Variants in HS1BP3 observed in about 807,000 individuals in gnomAD.
HS1BP3 encodes HCLS1 binding protein 3.
A neutral mutation model predicts 33.5 loss-of-function variants in HS1BP3; 32 were observed. The observed-to-expected ratio is 0.95, with a 90% CI of 0.72 to 1.28. HS1BP3 has a LOEUF of 1.28. Ranked by LOEUF, HS1BP3 falls within the 50% of genes most tolerant of loss-of-function variation. HS1BP3 has a pLI of 0.00. For synonymous variants in HS1BP3, 187 were observed against 209.2 expected (o/e 0.89, Z 0.92); for missense variants, 486 against 502.3 (o/e 0.97, Z 0.31).
intron 4 of HS1BP3, among the ~76,000 whole-genome samples, chr2:20,629,379 C>T (rs1400789875): frequency 1.3e-5 from 2 of 152,178 alleles, no homozygotes; most frequent in Non-Finnish European, 2.9e-5. Flanking sequence ...CTCTGCAGTG[C>T]CCGCCCTCCA....
intron 1 of HS1BP3, among the ~76,000 whole-genome samples, chr2:20,645,931 C>T (rs1695505728): frequency 6.6e-6 from 1 of 152,186 alleles, no homozygotes; most frequent in Admixed American, 6.5e-5. Context: ...GGCTAATGGG[C>T]AGGAGGGCTG....
intron 5 of HS1BP3, among the ~76,000 whole-genome samples, chr2:20,581,022 C>T (rs1176619236): frequency 6.6e-6 from 1 of 152,240 alleles, no homozygotes; most frequent in Non-Finnish European, 1.5e-5. Flanking sequence ...GCACTCCAGG[C>T]AACATCCTTC....
chr2:20,578,174 T>G (rs1693446304), intron 5 of HS1BP3, among the ~76,000 whole-genome samples: 1 of 152,026 alleles, frequency 6.6e-6, no homozygotes, highest in Admixed American at 6.5e-5. Context: ...GAATCAGGGC[T>G]CGGGAGAGTG....
rs567974133 is a variant in HS1BP3, at chr2:20,593,682, C to T, written c.*13-888G>A. On this transcript the variant is annotated intron_variant, in intron 3 of 3. Coordinates refer to the HS1BP3 transcript ENST00000415264. ...TCACCAGAGGCCCTTGACCCTTCCT[C>T]CCACAACCTTCCCCCACTGCGCCCG... 2.7e-4 allele frequency among the ~76,000 whole-genome samples: 41 copies of T among 152,244 alleles called. No individual in the cohort carries two copies. In the South Asian group the frequency reaches 8.5e-3, roughly 32 times the overall value.
At chr2:20,577,527 C>T (rs1019804450) in intron 5 of HS1BP3, among the ~76,000 whole-genome samples, 2 of 152,200 alleles carry the variant, frequency 1.3e-5, no homozygotes, top group African/African-American at 4.8e-5. Context: ...GACATGTTAG[C>T]GGCTTGGAGG....
At chr2:20,572,562 C>T (rs1391332989) in intron 5 of HS1BP3, among the ~76,000 whole-genome samples, 3 of 147,158 alleles carry the variant, frequency 2.0e-5, no homozygotes, top group African/African-American at 7.5e-5. Flanking sequence ...AGATCTCGGT[C>T]AGGTTATGAA....
chr2:20,632,257 G>A (rs941330110), intron 4 of HS1BP3, among the ~76,000 whole-genome samples: 10 of 152,206 alleles, frequency 6.6e-5, no homozygotes, highest in African/African-American at 2.2e-4. Flanking sequence ...CTCCCTGGTC[G>A]CAGTAAGCTC....
chr2:20,599,417 C>T (rs1694019854), intron 2 of HS1BP3, among the ~76,000 whole-genome samples: 1 of 152,210 alleles, frequency 6.6e-6, no homozygotes, highest in Non-Finnish European at 1.5e-5. Context: ...TGTGTCACCC[C>T]AATTGTCCAG....
At chr2:20,624,982 G>A in intron 4 of HS1BP3, 90 bp from the exon 5 acceptor site, 3 of 1,459,954 alleles carry the variant, frequency 2.1e-6, no homozygotes, top group Non-Finnish European at 2.9e-6. Flanking sequence ...GGGCCCTGCA[G>A]TGGAGGGGCT....
rs140634250 is a variant in HS1BP3, at chr2:20,645,453, C to T, written c.85G>A (p.Glu29Lys). 6.3e-5 allele frequency: 101 copies of T among 1,613,972 alleles called. No homozygotes were observed. Among genetic ancestry groups the T allele is most frequent in the Non-Finnish European group, 8.4e-5 (99 of 1,180,010 alleles). The change falls in exon 2 of 7, where the codon GAG (glutamate) becomes AAG (lysine). Residue 29 changes from glutamate to lysine, a missense_variant. Transcript: ENST00000304031. The stretch of plus-strand genomic sequence containing the variant: ...CCAGACATCATCTTGCCCCGTACCT[C>T]CTGGTGCTGGGGCACAGTCAGGTCG... ...GLDLTVPQHQ[E>K]VRGKMMSGHV...
At position 20,618,790 on chromosome 2, in the gene HS1BP3, C is replaced by T. The variant is rs199952244; in HGVS notation, c.*197G>A. Reference sequence around the variant, plus strand: ...TGGCTCCTAGGGTGAGAGCCGCTCCCGCAGCCCGCAGGCTTCTACTTTGGC... The same window carrying T: ...TGGCTCCTAGGGTGAGAGCCGCTCCTGCAGCCCGCAGGCTTCTACTTTGGC... On this transcript the variant is annotated 3_prime_UTR_variant, in exon 7 of 7. Coordinates refer to ENST00000304031, the MANE Select transcript of HS1BP3 (RefSeq NM_022460.4). 41 of 1,400,348 alleles carry T rather than the reference C, an allele frequency of 2.9e-5. No homozygotes were observed. The highest frequency in any genetic ancestry group is 1.3e-4 in the Admixed American group (4 of 30,262). 86.7% of individuals were successfully genotyped at this position (1,400,348 alleles called of 1,614,324 possible). A position where few individuals can be genotyped will look rare whatever the true frequency, so the allele number is the denominator to read the frequency against.
At chr2:20,567,584 C>T (rs960597963) in intron 5 of HS1BP3, among the ~76,000 whole-genome samples, 5 of 152,212 alleles carry the variant, frequency 3.3e-5, no homozygotes, top group African/African-American at 1.2e-4. Flanking sequence ...GGCATAAAGA[C>T]CTACTTCCCC....
intron 5 of HS1BP3, among the ~76,000 whole-genome samples, chr2:20,562,391 A>G (rs1693021542): frequency 6.6e-6 from 1 of 152,206 alleles, no homozygotes. Flanking sequence ...AGGCAGGATG[A>G]TCACTTGAGC....
intron 2 of HS1BP3, chr2:20,606,537 CTA>C: frequency 2.1e-6 from 1 of 482,026 alleles, no homozygotes; most frequent in Admixed American, 2.3e-5. Context: ...TTGTCCCGAA[CTA>C]TGTCTTTGGA....
In HS1BP3 at chr2:20,640,589, G is replaced by A. The variant is rs1357706025; in HGVS notation, c.406+384C>T. 6 of 463,760 alleles carry A rather than the reference G, an allele frequency of 1.3e-5. No homozygotes were observed. In the East Asian group the frequency reaches 1.8e-4, roughly 14 times the overall value. The allele number at this position is 463,760 out of a possible 1,614,324, so 28.7% of individuals were successfully genotyped here. ...GAGAACACAGCTTTCCCGGGATACT[G>A]CAGGTCCCTAGGGCTGGTTGGAGGA... is the stretch of plus-strand genomic sequence containing the variant. On this transcript the variant is annotated intron_variant, in intron 3 of 6. Coordinates refer to ENST00000304031, the MANE Select transcript of HS1BP3 (RefSeq NM_022460.4).
chr2:20,628,723 A>T (rs1010986573), intron 4 of HS1BP3, among the ~76,000 whole-genome samples: 1 of 151,974 alleles, frequency 6.6e-6, no homozygotes, highest in Non-Finnish European at 1.5e-5. Context: ...ACCAAGCCTG[A>T]GGGCTCAGGG....
At chr2:20,575,063 C>T (rs997216148) in intron 5 of HS1BP3, among the ~76,000 whole-genome samples, 5 of 152,216 alleles carry the variant, frequency 3.3e-5, no homozygotes, top group South Asian at 2.1e-4. Context: ...ATGCAGACAA[C>T]GTAAACGTCT....
intron 5 of HS1BP3, among the ~76,000 whole-genome samples, chr2:20,563,492 A>G (rs1324826536): frequency 6.6e-6 from 1 of 152,234 alleles, no homozygotes; most frequent in East Asian, 1.9e-4. Flanking sequence ...CGCAGACTCA[A>G]TAAGGAGCTT....
chr2:20,631,912 A>T (rs1572351148), intron 4 of HS1BP3, among the ~76,000 whole-genome samples: 1 of 152,190 alleles, frequency 6.6e-6, no homozygotes, highest in Non-Finnish European at 1.5e-5. Flanking sequence ...TGGAACTCTG[A>T]CCCACAGTCT....
Sources: gnomAD v4.1 joint callset for allele counts (sites outside exome capture counted in the v4.1 genomes callset) on GRCh38, gnomAD v4.1.1 for gene constraint, MANE v1.5 for transcripts, NCBI Gene and HGNC (gene_info 2026-07-23, HGNC 2026-07-21) for gene names.